MYOCD: variants seen among roughly 807,000 people sequenced by gnomAD.
The protein encoded by MYOCD is myocardin.
MYOCD carries 32 observed loss-of-function variants against 96.1 expected under a neutral mutation model. That is an observed-to-expected ratio of 0.33 (90% CI 0.25 to 0.45). MYOCD has a LOEUF of 0.45. MYOCD is among the 20% of genes least tolerant of loss of function. MYOCD has a pLI of 1.00. For missense variants in MYOCD, 1,133 were observed against 1,200.6 expected (o/e 0.94, Z 0.83); for synonymous variants, 469 against 469.0 (o/e 1.00, Z 0.00).
chr17:12,687,257 G>A (rs938514276), intron 1 of MYOCD, among the ~76,000 whole-genome samples: 5 of 151,912 alleles, frequency 3.3e-5, no homozygotes, highest in Non-Finnish European at 7.4e-5. Flanking sequence ...ATTTCTAACC[G>A]AGTCCTTCCC....
intron 1 of MYOCD, among the ~76,000 whole-genome samples, chr17:12,678,705 T>C (rs891268338): frequency 1.3e-5 from 2 of 152,096 alleles, no homozygotes; most frequent in Non-Finnish European, 2.9e-5. Flanking sequence ...TTATTTATTA[T>C]TATTATTTGA....
At chr17:12,751,519 A>T (rs1055526843) in intron 9 of MYOCD, among the ~76,000 whole-genome samples, 1 of 152,216 alleles carries the variant, frequency 6.6e-6, no homozygotes, top group African/African-American at 2.4e-5. Context: ...ATTATAAAAA[A>T]TACAGGGATA....
intron 1 of MYOCD, among the ~76,000 whole-genome samples, chr17:12,686,505 C>A (rs2033399616): frequency 1.3e-5 from 2 of 152,192 alleles, no homozygotes; most frequent in African/African-American, 4.8e-5. Flanking sequence ...CTTTTTAAGA[C>A]ACTTTGATTT....
chr17:12,668,262 C>T (rs1692270128), intron 1 of MYOCD, among the ~76,000 whole-genome samples: 1 of 151,882 alleles, frequency 6.6e-6, no homozygotes, highest in Non-Finnish European at 1.5e-5. Context: ...ATCTTCTTCT[C>T]CTCCTTCTCT....
At chr17:12,666,645 C>T (rs1909393290) in intron 1 of MYOCD, among the ~76,000 whole-genome samples, 1 of 152,014 alleles carries the variant, frequency 6.6e-6, no homozygotes, top group South Asian at 2.1e-4. Context: ...GTACAGGGGT[C>T]ACTTAAAATG....
Position 12,745,272 on chromosome 17 carries a change from C to T in MYOCD, c.972-647C>T, listed in dbSNP as rs563162802. Among the ~76,000 whole-genome samples the T allele has an allele frequency of 6.6e-5, 10 of 152,134 alleles. No homozygotes were observed. The South Asian group carries it at 1.7e-3, about 25-fold the overall frequency. On this transcript the variant is annotated intron_variant, in intron 8 of 13. Transcript: ENST00000425538. ...TTGCCCAGGCTGGAGTGCAATGGCG[C>T]GATCTTGGCTCACCGCAACCTCCGC...
chr17:12,761,048 A>C (rs1597819110), intron 13 of MYOCD: 2 of 200,772 alleles, frequency 1.0e-5, no homozygotes, highest in East Asian at 2.2e-4. Flanking sequence ...AATTATAATA[A>C]AAGAAAAAAG....
chr17:12,768,801 G>T lies in MYOCD; in HGVS notation c.*5157G>T, dbSNP rs1430677092. On this transcript the variant is annotated 3_prime_UTR_variant, in exon 14 of 14. Coordinates refer to ENST00000425538, the MANE Select transcript of MYOCD (RefSeq NM_001146312.3). ...GTGGTGTTTTCACGTTGGTCTCTTT[G>T]GCTCAATTGAGCATAATCAGAAAGA... The T allele has an allele frequency of 6.6e-6, 1 of 151,458 alleles. No individual in the cohort carries two copies. Among genetic ancestry groups the T allele is most frequent in the East Asian group, 1.9e-4 (1 of 5,166 alleles). The allele number at this position is 151,458 out of a possible 1,614,324, so 9.4% of individuals were successfully genotyped here.
At position 12,710,598 on chromosome 17, in the gene MYOCD, C is replaced by T. The variant is rs545511133; in HGVS notation, c.122-4921C>T. The T allele has an allele frequency of 1.3e-5, 9 of 666,798 alleles. 1 individual carries two copies. In the South Asian group the frequency reaches 3.4e-4, roughly 25 times the overall value. 41.3% of individuals were successfully genotyped at this position (666,798 alleles called of 1,614,324 possible). A position where few individuals can be genotyped will look rare whatever the true frequency, so the allele number is the denominator to read the frequency against. Reference sequence around the variant, plus strand: ...CAAGAAGAATGACCGGGGCAATTCCCGCACCCATATCACATGCAGCTTCAC... The same window carrying T: ...CAAGAAGAATGACCGGGGCAATTCCTGCACCCATATCACATGCAGCTTCAC... On this transcript the variant is annotated intron_variant, in intron 2 of 13. Transcript: ENST00000425538.
At chr17:12,751,181 T>C (rs894132692) in intron 9 of MYOCD, among the ~76,000 whole-genome samples, 4 of 152,086 alleles carry the variant, frequency 2.6e-5, no homozygotes, top group Non-Finnish European at 2.9e-5. Flanking sequence ...CGTAATACGT[T>C]TATGTGGCAT....
In MYOCD at chr17:12,736,278, C is replaced by T. The variant is rs767925734; in HGVS notation, c.533C>T (p.Ser178Phe). Residue 178 changes from serine to phenylalanine, a missense_variant, in exon 6 of 14, where the codon TCC becomes TTC. Ser to Phe is a radical substitution (Grantham distance 155). Coordinates refer to ENST00000425538, the MANE Select transcript of MYOCD (RefSeq NM_001146312.3). ...GAAGACCCCCAAAACTCAGCGGGAT[C>T]CCCGCCAGACGCTAAAGCCTCAGAT... ...RSEDPQNSAG[S>F]PPDAKASDTP... The T allele has an allele frequency of 6.2e-7, 1 of 1,614,222 alleles. No individual in the cohort carries two copies. Among genetic ancestry groups the T allele is most frequent in the Non-Finnish European group, 8.5e-7 (1 of 1,180,036 alleles).
chr17:12,722,856 CAG>C lies in MYOCD; in HGVS notation c.268_269del (p.Arg90ValfsTer17), dbSNP rs1567586923. 6.2e-7 allele frequency: 1 copy of C among 1,612,594 alleles called. No individual in the cohort carries two copies. Among genetic ancestry groups the C allele is most frequent in the East Asian group, 2.2e-5 (1 of 44,834 alleles). ...CATTTCAACCCTTTAGCTTCCACTG[CAG>C]AGAGGTCCATTCCAACTGCTCAGAT... On this transcript the variant is annotated frameshift_variant, in exon 5 of 14. Coordinates refer to ENST00000425538, the MANE Select transcript of MYOCD (RefSeq NM_001146312.3). LOFTEE classifies it high-confidence loss of function.
chr17:12,715,430 A>G, intron 2 of MYOCD, 89 bp from the exon 3 acceptor site: 1 of 1,112,240 alleles, frequency 9.0e-7, no homozygotes, highest in East Asian at 2.4e-5. Flanking sequence ...CCTACTGTGC[A>G]TAGCTCAGCA....
intron 5 of MYOCD, among the ~76,000 whole-genome samples, chr17:12,726,241 G>GCAGAT (rs1225671986): frequency 6.6e-6 from 1 of 152,140 alleles, no homozygotes; most frequent in African/African-American, 2.4e-5. Flanking sequence ...TCTTAAGGGA[G>GCAGAT]CAGATAATAA....
At chr17:12,705,688 A>G (rs117968974) in intron 2 of MYOCD, 1,887 of 152,464 alleles carry the variant, frequency 0.012, 19 homozygotes, top group Non-Finnish European at 0.018. Flanking sequence ...ACTGGGTAAA[A>G]GAAGAAGGAT....
intron 1 of MYOCD, among the ~76,000 whole-genome samples, chr17:12,672,533 T>C (rs114722904): frequency 0.024 from 3,688 of 152,340 alleles, 170 homozygotes; most frequent in African/African-American, 0.083. Context: ...TAAAATAAAA[T>C]GTATCATTTA....
intron 1 of MYOCD, among the ~76,000 whole-genome samples, chr17:12,672,816 C>T (rs969174274): frequency 6.6e-6 from 1 of 152,150 alleles, no homozygotes; most frequent in East Asian, 1.9e-4. Flanking sequence ...TTGGGTTCTC[C>T]TAGCTCTCAC....
chr17:12,745,805 C>A (rs963607463), intron 8 of MYOCD, 114 bp from the exon 9 acceptor site: 1 of 1,089,294 alleles, frequency 9.2e-7, no homozygotes, highest in Non-Finnish European at 1.3e-6. Context: ...GTCTCTTCTG[C>A]TGGTTTATTA....
intron 5 of MYOCD, among the ~76,000 whole-genome samples, chr17:12,732,678 C>T (rs1410839755): frequency 2.0e-5 from 3 of 152,178 alleles, no homozygotes; most frequent in African/African-American, 7.2e-5. Context: ...AGGAATGCTC[C>T]GTCCAGCCCT....
Sources: allele counts gnomAD v4.1 joint callset (sites outside exome capture counted in the v4.1 genomes callset), GRCh38; gene constraint gnomAD v4.1.1; transcripts MANE v1.5; gene names NCBI Gene and HGNC (gene_info 2026-07-23, HGNC 2026-07-21).